PIK3AP1: variants seen among roughly 807,000 people sequenced by gnomAD.
PIK3AP1 encodes phosphoinositide 3-kinase adapter protein 1.
A neutral mutation model predicts 88.1 loss-of-function variants in PIK3AP1; 21 were observed. The observed-to-expected ratio is 0.24, with a 90% CI of 0.17 to 0.34. The LOEUF (loss-of-function observed/expected upper bound fraction) is 0.34, where lower values mean the gene tolerates loss of function less well. PIK3AP1 is among the 10% of genes least tolerant of loss of function. The probability of loss-of-function intolerance (pLI) is 1.00; values close to 1 mark genes in which losing one functional copy is unlikely to be tolerated. For missense variants in PIK3AP1, 828 were observed against 1,035.7 expected, an observed-to-expected ratio of 0.80 and a Z score of 2.75; for synonymous variants, 398 against 400.0, an observed-to-expected ratio of 1.00 and a Z score of 0.06.
chr10:96,612,287 G>A (rs150534194), intron 13 of PIK3AP1, among the ~76,000 whole-genome samples: 15 of 152,168 alleles, frequency 9.9e-5, no homozygotes, highest in African/African-American at 3.6e-4. Context: ...AATTTCCTAC[G>A]CCATCAACGC....
At chr10:96,613,897 G>T (rs1422025040) in intron 13 of PIK3AP1, among the ~76,000 whole-genome samples, 2 of 152,150 alleles carry the variant, frequency 1.3e-5, no homozygotes, top group African/African-American at 4.8e-5. Flanking sequence ...CTAATGGGGT[G>T]GGCACTTTCA....
intron 2 of PIK3AP1, among the ~76,000 whole-genome samples, chr10:96,665,935 TC>T (rs1327598148): frequency 6.6e-6 from 1 of 152,164 alleles, no homozygotes; most frequent in Non-Finnish European, 1.5e-5. Context: ...TACCACAGCC[TC>T]CACACAGTGC....
chr10:96,677,045 C>G (rs1843932547), intron 2 of PIK3AP1, among the ~76,000 whole-genome samples: 1 of 152,144 alleles, frequency 6.6e-6, no homozygotes, highest in African/African-American at 2.4e-5. Flanking sequence ...CCAGCAGGAG[C>G]ACCGAGCCCA....
chr10:96,706,283 C>A (rs1372621874), intron 2 of PIK3AP1, among the ~76,000 whole-genome samples: 1 of 152,144 alleles, frequency 6.6e-6, no homozygotes, highest in Non-Finnish European at 1.5e-5. Flanking sequence ...TGGGACTGGG[C>A]AGCTGGTGTA....
intron 16 of PIK3AP1, among the ~76,000 whole-genome samples, chr10:96,597,402 A>C: frequency 7.3e-6 from 1 of 137,458 alleles, no homozygotes; most frequent in Admixed American, 8.1e-5. Flanking sequence ...CTTTCAACAA[A>C]CACTAATTTA....
chr10:96,693,691 T>C (rs949664259), intron 2 of PIK3AP1, among the ~76,000 whole-genome samples: 2 of 152,212 alleles, frequency 1.3e-5, no homozygotes, highest in Non-Finnish European at 2.9e-5. Context: ...AAAATACATA[T>C]CCCTTTATCC....
At chr10:96,610,381 A>C (rs1243686493) in intron 13 of PIK3AP1, among the ~76,000 whole-genome samples, 1 of 152,200 alleles carries the variant, frequency 6.6e-6, no homozygotes, top group Non-Finnish European at 1.5e-5. Context: ...TATTATCATC[A>C]ATGCCAGCAG....
intron 13 of PIK3AP1, among the ~76,000 whole-genome samples, chr10:96,613,604 CA>C (rs1427400166): frequency 1.3e-5 from 2 of 152,266 alleles, no homozygotes; most frequent in East Asian, 3.9e-4. Context: ...TGGAGATGGG[CA>C]AACTAAGCCA....
intron 14 of PIK3AP1, among the ~76,000 whole-genome samples, chr10:96,608,925 G>A (rs1456962403): frequency 6.6e-6 from 1 of 152,204 alleles, no homozygotes; most frequent in Non-Finnish European, 1.5e-5. Context: ...TGAAAGAAGA[G>A]AAACTCAATC....
chr10:96,620,204 C>G, intron 12 of PIK3AP1, 148 bp downstream of exon 12: 1 of 860,786 alleles, frequency 1.2e-6, no homozygotes, highest in South Asian at 1.5e-5. Context: ...CTCATACACA[C>G]TCACTGGTTC....
intron 6 of PIK3AP1, among the ~76,000 whole-genome samples, chr10:96,649,922 C>T (rs80350052): frequency 0.021 from 3,176 of 152,262 alleles, 116 homozygotes; most frequent in African/African-American, 0.07. Flanking sequence ...TTTGTGTTTG[C>T]GGAGCTGGGG....
At chr10:96,678,538 G>A (rs775948249) in intron 2 of PIK3AP1, among the ~76,000 whole-genome samples, 1 of 152,112 alleles carries the variant, frequency 6.6e-6, no homozygotes, top group Non-Finnish European at 1.5e-5. Context: ...CCAATGTGCT[G>A]GGATTATAGG....
intron 8 of PIK3AP1, among the ~76,000 whole-genome samples, chr10:96,637,836 G>A (rs957620703): frequency 1.3e-5 from 2 of 152,128 alleles, no homozygotes; most frequent in Admixed American, 1.3e-4. Context: ...CCCAGGGGCT[G>A]GCATACACTG....
chr10:96,646,369 G>A (rs1843460688), intron 7 of PIK3AP1, among the ~76,000 whole-genome samples: 1 of 151,970 alleles, frequency 6.6e-6, no homozygotes, highest in African/African-American at 2.4e-5. Context: ...CTTGAGAAAG[G>A]TATAATATTC....
At chr10:96,616,864 GC>G (rs1849223044) in intron 12 of PIK3AP1, among the ~76,000 whole-genome samples, 153 bp from the exon 13 acceptor site, 1 of 152,158 alleles carries the variant, frequency 6.6e-6, no homozygotes, top group African/African-American at 2.4e-5. Context: ...TTCACAGTCA[GC>G]CCCCAGAGAA....
Position 96,626,879 on chromosome 10 carries a change from C to G in PIK3AP1, c.1498G>C (p.Glu500Gln). Residue 500 changes from glutamate (E) to glutamine (Q), a missense_variant, in exon 10 of 17, where the codon GAG (glutamate) becomes CAG (glutamine). Physicochemically the swap from Glu to Gln is conservative, Grantham distance 29 (BLOSUM62 2). Around this residue, in one of 3 missense-constraint regions of PIK3AP1, gnomAD observed 610 missense variants for 760.1 expected, o/e 0.80. Coordinates refer to ENST00000339364, the MANE Select transcript of PIK3AP1 (RefSeq NM_152309.3). ...TGACCAAGATGGCACTGATCTCTCT[C>G]CAGATTGGTCATTCCCATGCTGTTG... ...EGNSMGMTNL[E>Q]RDQCHLGQEE... 1.2e-6 allele frequency: 2 copies of G among 1,614,164 alleles called. No individual in the cohort carries two copies. Among genetic ancestry groups the G allele is most frequent in the Non-Finnish European group, 1.7e-6 (2 of 1,179,952 alleles).
chr10:96,663,771 T>C (rs1258241421), intron 2 of PIK3AP1, among the ~76,000 whole-genome samples: 1 of 149,934 alleles, frequency 6.7e-6, no homozygotes, highest in African/African-American at 2.5e-5. Flanking sequence ...CCAAGACCAA[T>C]AAGAAGACAA....
At chr10:96,672,665 C>T (rs1384147949) in intron 2 of PIK3AP1, among the ~76,000 whole-genome samples, 4 of 151,928 alleles carry the variant, frequency 2.6e-5, no homozygotes, top group Non-Finnish European at 5.9e-5. Flanking sequence ...ACATCTGAGG[C>T]TGCCATGACA....
At chr10:96,695,747 TA>T (rs534261749) in intron 2 of PIK3AP1, among the ~76,000 whole-genome samples, 1,588 of 142,650 alleles carry the variant, frequency 0.011, 7 homozygotes, top group Middle Eastern at 0.028. Flanking sequence ...TGCTCTCCTT[TA>T]AAAAAAAAAA....
Sources: allele counts gnomAD v4.1 joint callset (sites outside exome capture counted in the v4.1 genomes callset), GRCh38; gene constraint gnomAD v4.1.1; regional missense constraint gnomAD v4.1.1; transcripts MANE v1.5; gene names NCBI Gene and HGNC (gene_info 2026-07-23, HGNC 2026-07-21).